The following SPINK6 variants were observed in gnomAD, a reference collection of about 807,000 sequenced individuals.
SPINK6 encodes serine peptidase inhibitor Kazal type 6, also known as serine protease inhibitor Kazal-type 6.
Under a neutral mutation model 11.7 loss-of-function variants are expected in SPINK6, and 13 were observed. That is an observed-to-expected ratio of 1.11 (90% CI 0.72 to 1.76). The LOEUF is 1.76. Ranked by LOEUF, SPINK6 falls within the 40% of genes most tolerant of loss-of-function variation. SPINK6 has a pLI of 0.00. For synonymous variants in SPINK6, 21 were observed against 31.9 expected, an observed-to-expected ratio of 0.66 and a Z score of 1.15; for missense variants, 98 against 93.7, an observed-to-expected ratio of 1.05 and a Z score of -0.19.
intron 2 of SPINK6, 121 bp downstream of exon 2, chr5:148,206,179 C>T: frequency 1.1e-6 from 1 of 881,950 alleles, no homozygotes; most frequent in Middle Eastern, 2.2e-4. Flanking sequence ...AAACCTTATG[C>T]AGACATCAGC....
chr5:148,209,858 G>GA (rs1755546709), intron 2 of SPINK6, among the ~76,000 whole-genome samples: 1 of 123,218 alleles, frequency 8.1e-6, no homozygotes, highest in South Asian at 2.7e-4. Flanking sequence ...TGGAAAAATG[G>GA]AAAAAACAGA....
chr5:148,211,872 T>C (rs1755602965), intron 2 of SPINK6, among the ~76,000 whole-genome samples: 1 of 152,184 alleles, frequency 6.6e-6, no homozygotes, highest in African/African-American at 2.4e-5. Context: ...TAGGCTCAAC[T>C]GAGATAATCT....
chr5:148,209,802 G>A (rs1404676387), intron 2 of SPINK6, among the ~76,000 whole-genome samples: 1 of 151,776 alleles, frequency 6.6e-6, no homozygotes, highest in East Asian at 1.9e-4. Context: ...TCTGAGGGAG[G>A]GTTGGAGAAT....
At chr5:148,210,782 C>A (rs1012981122) in intron 2 of SPINK6, among the ~76,000 whole-genome samples, 1 of 151,796 alleles carries the variant, frequency 6.6e-6, no homozygotes, top group Non-Finnish European at 1.5e-5. Context: ...ATGAGGAAAT[C>A]ATAAAAGTTT....
chr5:148,202,967 G>T (rs971134033), upstream of SPINK6: 9 of 570,202 alleles, frequency 1.6e-5, no homozygotes, highest in Non-Finnish European at 2.4e-5. Flanking sequence ...GTGTTGGCAG[G>T]CCCCATTAAA....
chr5:148,210,766 T>C (rs1755587095), intron 2 of SPINK6, among the ~76,000 whole-genome samples: 1 of 152,010 alleles, frequency 6.6e-6, no homozygotes, highest in African/African-American at 2.4e-5. Context: ...AAGAGTAGCA[T>C]ATGTCATGAG....
Position 148,215,123 on chromosome 5 carries a change from C to T in SPINK6, c.*173C>T, listed in dbSNP as rs1321216187. The T allele has an allele frequency of 1.2e-5, 7 of 564,268 alleles. No homozygotes were observed. Among genetic ancestry groups the T allele is most frequent in the Non-Finnish European group, 1.9e-5 (6 of 317,150 alleles). The allele number at this position is 564,268 out of a possible 1,614,324, so 35.0% of individuals were successfully genotyped here. A position where few individuals can be genotyped will look rare whatever the true frequency, so the allele number is the denominator to read the frequency against. Reference sequence around the variant, plus strand: ...TCTTGATTCACTTGTCAATAAAGTACATTCTGCAAAAGCATTGACTGTGTT... The same window carrying T: ...TCTTGATTCACTTGTCAATAAAGTATATTCTGCAAAAGCATTGACTGTGTT... On this transcript the variant is annotated 3_prime_UTR_variant, in exon 4 of 4. Transcript: ENST00000325630.
In SPINK6 at chr5:148,213,968, A is replaced by G. The variant is rs576777982; in HGVS notation, c.140A>G (p.His47Arg). The G allele has an allele frequency of 1.9e-6, 3 of 1,614,026 alleles. No homozygotes were observed. Among genetic ancestry groups the G allele is most frequent in the East Asian group, 2.2e-5 (1 of 44,880 alleles). The part of the protein sequence containing the change: ...KVYCTRESNP[H>R]CGSDGQTYGN... ...TACTGCACTCGGGAATCTAACCCAC[A>G]CTGTGGCTCTGATGGCCAGACATAT... Residue 47 changes from histidine (H) to arginine (R), a missense_variant, in exon 3 of 4, where the codon CAC becomes CGC. Physicochemically the swap from His to Arg is conservative, Grantham distance 29. Coordinates refer to ENST00000325630, the MANE Select transcript of SPINK6 (RefSeq NM_205841.4).
In SPINK6 at chr5:148,215,107, A is replaced by T; in HGVS notation, c.*157A>T. On this transcript the variant is annotated 3_prime_UTR_variant, in exon 4 of 4. Transcript: ENST00000325630. ...AATGTATGTCTATTTCTCTTGATTC[A>T]CTTGTCAATAAAGTACATTCTGCAA... 1 of 589,182 alleles carries T rather than the reference A, an allele frequency of 1.7e-6. No individual in the cohort carries two copies. The highest frequency in any genetic ancestry group is 2.4e-5 in the South Asian group (1 of 41,192). 36.5% of individuals were successfully genotyped at this position (589,182 alleles called of 1,614,324 possible). A position where few individuals can be genotyped will look rare whatever the true frequency, so the allele number is the denominator to read the frequency against.
chr5:148,209,997 C>CACGTTCGTAT (rs1561732192), intron 2 of SPINK6, among the ~76,000 whole-genome samples: 1 of 145,892 alleles, frequency 6.9e-6, no homozygotes, highest in Non-Finnish European at 1.5e-5. Context: ...TACATATACA[C>CACGTTCGTAT]GTATGTATAC....
chr5:148,205,086 T>A (rs893752331), intron 1 of SPINK6, among the ~76,000 whole-genome samples: 5 of 152,210 alleles, frequency 3.3e-5, no homozygotes, highest in Non-Finnish European at 2.9e-5. Flanking sequence ...AACAGTAACC[T>A]TCTTTCAAAT....
chr5:148,203,274 T>A lies in SPINK6; in HGVS notation c.58+120T>A, dbSNP rs112544850. On this transcript the variant is annotated intron_variant, in intron 1 of 3. Transcript: ENST00000325630. The stretch of plus-strand genomic sequence containing the variant: ...GTAAAAGACCAATTCTGAGAGATTA[T>A]CATAATGATGATAATGATTGTGATG... 4.1e-4 allele frequency: 286 copies of A among 696,522 alleles called. 1 individual carries two copies. In the African/African-American group the frequency reaches 4.2e-3, roughly 10 times the overall value. 43.1% of individuals were successfully genotyped at this position (696,522 alleles called of 1,614,324 possible).
Position 148,213,983 on chromosome 5 carries a change from G to T in SPINK6, c.155G>T (p.Gly52Val). Reference sequence around the variant, plus strand: ...TCTAACCCACACTGTGGCTCTGATGGCCAGACATATGGCAATAAATGTGCC... The same window carrying T: ...TCTAACCCACACTGTGGCTCTGATGTCCAGACATATGGCAATAAATGTGCC... ...RESNPHCGSD[G>V]QTYGNKCAFC... Residue 52 changes from glycine to valine, a missense_variant, in exon 3 of 4, where the codon GGC becomes GTC. Physicochemically the swap from Gly to Val is moderately radical, Grantham distance 109. Transcript: ENST00000325630. The T allele has an allele frequency of 6.2e-7, 1 of 1,613,728 alleles. No homozygotes were observed. Among genetic ancestry groups the T allele is most frequent in the South Asian group, 1.1e-5 (1 of 91,068 alleles).
chr5:148,212,590 T>TA (rs1755619259), intron 2 of SPINK6, among the ~76,000 whole-genome samples: 1 of 101,882 alleles, frequency 9.8e-6, no homozygotes, highest in Non-Finnish European at 1.8e-5. Flanking sequence ...TATAAATATA[T>TA]TTTATATAAT....
At chr5:148,209,624 T>C (rs1273987775) in intron 2 of SPINK6, among the ~76,000 whole-genome samples, 3 of 152,114 alleles carry the variant, frequency 2.0e-5, no homozygotes, top group African/African-American at 7.2e-5. Flanking sequence ...TGTGCAAAAG[T>C]AGCTATTTCT....
chr5:148,212,603 ATAATATATATTTATAT>A (rs1048982835), intron 2 of SPINK6, among the ~76,000 whole-genome samples: 1 of 104,302 alleles, frequency 9.6e-6, no homozygotes, highest in Admixed American at 1.4e-4. Flanking sequence ...TATATAATAT[ATAATATATATTTATAT>A]TATATATTAT....
At position 148,206,053 on chromosome 5, in the gene SPINK6, G is replaced by A. The variant is rs1302629774; in HGVS notation, c.76G>A (p.Gly26Arg). 3.1e-6 allele frequency: 5 copies of A among 1,613,990 alleles called. No homozygotes were observed. In the Admixed American group the frequency reaches 5.0e-5, roughly 16 times the overall value. Residue 26 changes from glycine (G) to arginine (R), a missense_variant, in exon 2 of 4, where the codon GGA (glycine) becomes AGA (arginine). By Grantham distance (125) the Gly-to-Arg change is moderately radical. Coordinates refer to ENST00000325630, the MANE Select transcript of SPINK6 (RefSeq NM_205841.4). ...CFLTGVFSQG[G>R]QVDCGEFQDP... ...TCTTTCAGGTGTCTTCAGTCAGGGA[G>A]GACAGGTCAGTGCCTATTTTTATCT...
intron 2 of SPINK6, among the ~76,000 whole-genome samples, chr5:148,210,864 G>A (rs140401949): frequency 1.4e-3 from 219 of 152,098 alleles, no homozygotes; most frequent in Middle Eastern, 3.4e-3. Context: ...AGGGAAATAA[G>A]GGTGAGGGGA....
intron 2 of SPINK6, among the ~76,000 whole-genome samples, chr5:148,212,915 G>T (rs536556449): frequency 9.0e-5 from 13 of 144,430 alleles, no homozygotes; most frequent in Admixed American, 2.2e-4. Flanking sequence ...AGAGATAAGA[G>T]TATATATGTA....
Sources: gnomAD v4.1 joint callset for allele counts (sites outside exome capture counted in the v4.1 genomes callset) on GRCh38, gnomAD v4.1.1 for gene constraint, MANE v1.5 for transcripts, NCBI Gene and HGNC (gene_info 2026-07-23, HGNC 2026-07-21) for gene names.